The following ZNF565 variants were observed in gnomAD, a reference collection of about 807,000 sequenced individuals.
ZNF565 encodes zinc finger protein 565.
A neutral mutation model predicts 39.4 loss-of-function variants in ZNF565; 27 were observed. That is an observed-to-expected ratio of 0.69 (90% CI 0.51 to 0.95). The LOEUF is 0.95. ZNF565 is among the 40% of genes least tolerant of loss of function. The probability of loss-of-function intolerance (pLI) is 0.00; values close to 1 mark genes in which losing one functional copy is unlikely to be tolerated. For missense variants in ZNF565, 524 were observed against 621.1 expected, an observed-to-expected ratio of 0.84 and a Z score of 1.66; for synonymous variants, 185 against 216.6, an observed-to-expected ratio of 0.85 and a Z score of 1.28.
Position 36,183,141 on chromosome 19 carries a change from G to A in ZNF565, c.825C>T (p.Gly275=), listed in dbSNP as rs561352379. 4.0e-5 allele frequency: 65 copies of A among 1,614,052 alleles called. No homozygotes were observed. The highest frequency in any genetic ancestry group is 2.7e-4 in the South Asian group (25 of 91,086). The change falls in exon 5 of 5, where the codon GGC becomes GGT. Residue 275 remains glycine, a synonymous_variant. Transcript: ENST00000304116. ...QLILHQRTHT[G]EKPYVCKDCG... is the part of the protein sequence containing the mutation. The stretch of plus-strand genomic sequence containing the variant: ...AGTCTTTACATACGTAGGGTTTCTC[G>A]CCTGTGTGAGTTCTTTGATGCAGAA...
At chr19:36,231,245 T>C (rs1977354237) in intron 1 of ZNF565, among the ~76,000 whole-genome samples, 1 of 152,126 alleles carries the variant, frequency 6.6e-6, no homozygotes, top group South Asian at 2.1e-4. Flanking sequence ...AGTTTCACTC[T>C]GTTGTCCAGG....
chr19:36,189,432 A>G (rs1056152503), intron 4 of ZNF565, among the ~76,000 whole-genome samples: 10 of 151,608 alleles, frequency 6.6e-5, no homozygotes, highest in Admixed American at 6.6e-4. Flanking sequence ...TTCCTGCCTC[A>G]GCCTCCCAAG....
intron 4 of ZNF565, among the ~76,000 whole-genome samples, chr19:36,187,140 A>G (rs1425258837): frequency 3.3e-5 from 5 of 152,062 alleles, no homozygotes; most frequent in Non-Finnish European, 5.9e-5. Context: ...CGGTGAGCCA[A>G]TATCGTGCTA....
intron 1 of ZNF565, chr19:36,236,288 C>G: frequency 5.5e-6 from 5 of 915,530 alleles, no homozygotes; most frequent in Non-Finnish European, 8.0e-6. Context: ...CCTCTCAAAC[C>G]TTATCCCTTA....
intron 2 of ZNF565, 65 bp from the exon 3 acceptor site, chr19:36,195,221 T>A: frequency 6.4e-7 from 1 of 1,559,608 alleles, no homozygotes; most frequent in Non-Finnish European, 8.7e-7. Context: ...ATGAAAATTT[T>A]CAAGATGCAC....
intron 1 of ZNF565, among the ~76,000 whole-genome samples, chr19:36,239,189 A>G (rs1977753702): frequency 1.3e-5 from 2 of 152,090 alleles, no homozygotes; most frequent in Non-Finnish European, 2.9e-5. Context: ...GAAAACTTTA[A>G]CTTTTTCTTT....
At chr19:36,212,960 T>C (rs540951163) in intron 1 of ZNF565, 42 of 152,316 alleles carry the variant, frequency 2.8e-4, no homozygotes, top group African/African-American at 9.4e-4. Context: ...GGAGAAGGGT[T>C]AAGAGCAAGG....
chr19:36,242,952 GT>G (rs1977824263), intron 1 of ZNF565, among the ~76,000 whole-genome samples: 1 of 152,098 alleles, frequency 6.6e-6, no homozygotes, highest in African/African-American at 2.4e-5. Flanking sequence ...ATTGCACCCA[GT>G]GCATTTTAAG....
intron 1 of ZNF565, chr19:36,235,945 G>A (rs1385257040): frequency 1.3e-5 from 2 of 154,818 alleles, no homozygotes; most frequent in East Asian, 1.9e-4. Context: ...ACTCCTTATG[G>A]TATTAACCCC....
chr19:36,240,293 C>T (rs12104259), intron 1 of ZNF565, among the ~76,000 whole-genome samples: 2,084 of 152,328 alleles, frequency 0.014, 41 homozygotes, highest in African/African-American at 0.046. Flanking sequence ...ATGTGCCACA[C>T]ATCTGTAGTC....
intron 4 of ZNF565, among the ~76,000 whole-genome samples, chr19:36,187,801 C>A (rs1038085529): frequency 6.6e-6 from 1 of 151,552 alleles, no homozygotes; most frequent in Non-Finnish European, 1.5e-5. Context: ...CCACGCCTGG[C>A]TGATTTTTTG....
intron 1 of ZNF565, among the ~76,000 whole-genome samples, chr19:36,223,730 T>G (rs1200763128): frequency 1.3e-5 from 2 of 151,936 alleles, no homozygotes; most frequent in Non-Finnish European, 2.9e-5. Flanking sequence ...TTCAAATTCT[T>G]ATAAAGTTAC....
chr19:36,202,265 G>A (rs1975992030), intron 1 of ZNF565, among the ~76,000 whole-genome samples: 1 of 152,112 alleles, frequency 6.6e-6, no homozygotes, highest in East Asian at 1.9e-4. Flanking sequence ...ACCTTGGGAG[G>A]CTGAGGCACA....
intron 1 of ZNF565, among the ~76,000 whole-genome samples, chr19:36,239,193 T>C (rs1194870098): frequency 1.3e-5 from 2 of 152,196 alleles, no homozygotes; most frequent in African/African-American, 4.8e-5. Flanking sequence ...ACTTTAACTT[T>C]TTCTTTGTTC....
chr19:36,190,412 AC>A (rs1353203492), intron 4 of ZNF565, among the ~76,000 whole-genome samples: 16 of 151,674 alleles, frequency 1.1e-4, no homozygotes, highest in African/African-American at 3.6e-4. Flanking sequence ...CCCCGCCTCT[AC>A]TAAAAATACA....
chr19:36,196,167 T>C (rs940561324), intron 2 of ZNF565, among the ~76,000 whole-genome samples: 2 of 152,138 alleles, frequency 1.3e-5, no homozygotes, highest in Non-Finnish European at 2.9e-5. Context: ...CCTGACCTCA[T>C]GATACGCCCG....
rs938099627 is a variant in ZNF565 at position 36,212,820 on chromosome 19, AG to A, written c.-66+1801del. Among the ~76,000 whole-genome samples the A allele has an allele frequency of 2.0e-5, 3 of 152,176 alleles. No individual in the cohort carries two copies. In the East Asian group the frequency reaches 5.8e-4, roughly 29 times the overall value. On this transcript the variant is annotated intron_variant, in intron 1 of 4. Coordinates refer to ENST00000304116, the MANE Select transcript of ZNF565 (RefSeq NM_152477.5). ...ATACTGGAGACCAGGTTACTTTGGTAGGGGTGAGGGTGGTGGTGGGGTGGTT... is the reference window on the plus strand; with the variant it reads ...ATACTGGAGACCAGGTTACTTTGGTAGGGTGAGGGTGGTGGTGGGGTGGTT...
chr19:36,228,654 A>C (rs1977187691), intron 1 of ZNF565: 2 of 152,246 alleles, frequency 1.3e-5, no homozygotes, highest in African/African-American at 4.8e-5. Context: ...CTCATTCTTC[A>C]GAAGGCCAGG....
At chr19:36,243,607 G>C (rs969751773) in intron 1 of ZNF565, among the ~76,000 whole-genome samples, 1 of 152,204 alleles carries the variant, frequency 6.6e-6, no homozygotes, top group Non-Finnish European at 1.5e-5. Flanking sequence ...TCAGAGCTGT[G>C]TGATGGGTTC....
Sources: gnomAD v4.1 joint callset for allele counts (sites outside exome capture counted in the v4.1 genomes callset) on GRCh38, gnomAD v4.1.1 for gene constraint, MANE v1.5 for transcripts, NCBI Gene and HGNC (gene_info 2026-07-23, HGNC 2026-07-21) for gene names.